The following CHD1 variants were observed in gnomAD, a reference collection of about 807,000 sequenced individuals.
CHD1 encodes ATP-dependent chromatin remodeler CHD1.
In CHD1, 36 loss-of-function variants were observed where a neutral mutation model predicts 224.2. The ratio of observed to expected loss-of-function variants is 0.16; its 90% CI spans 0.12 to 0.21. The LOEUF is 0.21. CHD1 is among the 10% of genes least tolerant of loss of function. The pLI is 1.00. For missense variants in CHD1, 1,378 were observed against 1,994.8 expected (o/e 0.69, Z 5.89); for synonymous variants, 668 against 658.3 (o/e 1.01, Z -0.23).
intron 19 of CHD1, among the ~76,000 whole-genome samples, chr5:98,882,865 G>A (rs763556838): frequency 2.6e-5 from 4 of 151,836 alleles, no homozygotes; most frequent in South Asian, 2.1e-4. Flanking sequence ...ACTAGAATAC[G>A]GGATCAAAAC....
chr5:98,915,050 C>T (rs149563195), intron 2 of CHD1, among the ~76,000 whole-genome samples: 9 of 152,164 alleles, frequency 5.9e-5, no homozygotes, highest in African/African-American at 1.4e-4. Context: ...CAATTAGTGG[C>T]CAAAGTCAAG....
intron 22 of CHD1, among the ~76,000 whole-genome samples, chr5:98,880,589 G>A (rs1486008254): frequency 6.6e-6 from 1 of 152,110 alleles, no homozygotes; most frequent in Non-Finnish European, 1.5e-5. Context: ...GTTGACTTAC[G>A]TTGTTTTAGG....
chr5:98,918,669 G>A (rs1446365595), intron 2 of CHD1, among the ~76,000 whole-genome samples: 3 of 149,088 alleles, frequency 2.0e-5, no homozygotes, highest in African/African-American at 7.4e-5. Context: ...TTGAGAGGCT[G>A]AGGCAGGAGA....
At chr5:98,874,802 G>A (rs1051190296) in intron 25 of CHD1, among the ~76,000 whole-genome samples, 1 of 151,806 alleles carries the variant, frequency 6.6e-6, no homozygotes, top group African/African-American at 2.4e-5. Flanking sequence ...TGAAAAATGA[G>A]ATAAAGATTG....
chr5:98,882,404 T>C (rs1277852845), intron 19 of CHD1, among the ~76,000 whole-genome samples: 1 of 131,688 alleles, frequency 7.6e-6, no homozygotes, highest in African/African-American at 3.2e-5. Context: ...ATGTTATGAT[T>C]TAGCTGGGGA....
chr5:98,867,787 TCTTC>T (rs904790755), intron 31 of CHD1, among the ~76,000 whole-genome samples: 18 of 146,638 alleles, frequency 1.2e-4, no homozygotes, highest in African/African-American at 3.9e-4. Flanking sequence ...CCTCCTTTTA[TCTTC>T]CTTGTTTTTT....
intron 32 of CHD1, chr5:98,860,272 T>A (rs1561476441): frequency 1.9e-6 from 1 of 538,320 alleles, no homozygotes; most frequent in East Asian, 4.1e-5. Context: ...AAACATTAAA[T>A]TTTACTTCTC....
chr5:98,888,997 A>C (rs929797552), intron 16 of CHD1, 79 bp downstream of exon 16: 7 of 954,044 alleles, frequency 7.3e-6, no homozygotes, highest in Non-Finnish European at 1.1e-5. Flanking sequence ...AAGTTAAAGC[A>C]TTGAGCCATT....
At chr5:98,924,883 T>C (rs1349702600) in intron 2 of CHD1, among the ~76,000 whole-genome samples, 1 of 150,914 alleles carries the variant, frequency 6.6e-6, no homozygotes, top group African/African-American at 2.4e-5. Flanking sequence ...GAGGCTGAGG[T>C]AGGAGAAACA....
chr5:98,864,666 G>A (rs1023738354), intron 31 of CHD1, among the ~76,000 whole-genome samples: 11 of 151,990 alleles, frequency 7.2e-5, no homozygotes, highest in Non-Finnish European at 1.3e-4. Flanking sequence ...CTGCAGCCTA[G>A]GCAAAAGTGA....
intron 10 of CHD1, 149 bp downstream of exon 10, chr5:98,898,107 A>G (rs955753383): frequency 3.3e-5 from 13 of 390,366 alleles, no homozygotes; most frequent in Admixed American, 2.2e-4. Context: ...CAGCAATTGC[A>G]GAAGTTCACT....
Position 98,857,470 on chromosome 5 carries a change from T to C in CHD1, c.4787+710A>G, listed in dbSNP as rs112460027. ...GATGTGTTCATAGTGCTGACAGAGG[T>C]TCTCAAAGAAATTATTGTAATGAAC... On this transcript the variant is annotated intron_variant, in intron 35 of 35. Transcript: ENST00000614616. Among the ~76,000 whole-genome samples, 14 of 152,168 alleles carry C rather than the reference T, an allele frequency of 9.2e-5. 1 individual carries two copies. Among genetic ancestry groups the C allele is most frequent in the African/African-American group, 3.4e-4 (14 of 41,542 alleles).
chr5:98,858,454 G>T, intron 34 of CHD1, 64 bp from the exon 35 acceptor site: 1 of 1,324,904 alleles, frequency 7.5e-7, no homozygotes, highest in Non-Finnish European at 1.1e-6. Context: ...AAACTTAGTT[G>T]ATAGATAACA....
At position 98,872,515 on chromosome 5, in the gene CHD1, T is replaced by C. The variant is rs767115458; in HGVS notation, c.3612A>G (p.Ile1204Met). The part of the protein sequence containing the change: ...LGKVKGPTFR[I>M]SGVQVNAKLV... ...GTTTGGCATTCACCTGTACTCCTGA[T>C]ATTCGGAATGTTGGACCCTTCACTT... The change falls in exon 27 of 36, where the codon ATA becomes ATG. Residue 1204 changes from isoleucine (I) to methionine (M), a missense_variant. Transcript: ENST00000614616. The C allele has an allele frequency of 6.2e-7, 1 of 1,613,920 alleles. No individual in the cohort carries two copies. Among genetic ancestry groups the C allele is most frequent in the Non-Finnish European group, 8.5e-7 (1 of 1,179,894 alleles).
chr5:98,898,596 A>C (rs1482935364), intron 9 of CHD1, 68 bp downstream of exon 9: 1 of 1,269,766 alleles, frequency 7.9e-7, no homozygotes, highest in African/African-American at 1.5e-5. Flanking sequence ...TAAGTGGCAA[A>C]CTTATGACTT....
chr5:98,911,770 T>C (rs1752439282), intron 2 of CHD1, among the ~76,000 whole-genome samples: 1 of 152,162 alleles, frequency 6.6e-6, no homozygotes, highest in Admixed American at 6.5e-5. Context: ...TTGAGAAATA[T>C]ATTCTATAAA....
At position 98,926,463 on chromosome 5, in the gene CHD1, C is replaced by A; in HGVS notation, c.-77G>T. 1 of 666,208 alleles carries A rather than the reference C, an allele frequency of 1.5e-6. No homozygotes were observed. The highest frequency in any genetic ancestry group is 3.1e-5 in the South Asian group (1 of 32,656). The allele number at this position is 666,208 out of a possible 1,614,324, so 41.3% of individuals were successfully genotyped here. A position where few individuals can be genotyped will look rare whatever the true frequency, so the allele number is the denominator to read the frequency against. ...AAAAGATGAATATAAATACTGACTC[C>A]TTGAATATAAAAATTCACAGATGAA... On this transcript the variant is annotated 5_prime_UTR_variant, in exon 2 of 36. It adds an upstream start codon to the 5' untranslated region. Transcript: ENST00000614616.
intron 31 of CHD1, among the ~76,000 whole-genome samples, chr5:98,868,079 T>C (rs866866024): frequency 5.3e-5 from 8 of 152,032 alleles, no homozygotes; most frequent in African/African-American, 1.9e-4. Flanking sequence ...GGTTTACAGG[T>C]GTGAGCCACC....
At position 98,889,176 on chromosome 5, in the gene CHD1, A is replaced by C; in HGVS notation, c.2243T>G (p.Phe748Cys). ...CTTTAGCTCCATCATAATGTTCAAA[A>C]AGCCTGAGGTACTGCCCTTGGAACC... ...SKGSKGSTSGFLNIMMELKKC... is the reference protein window; with the variant it reads ...SKGSKGSTSGCLNIMMELKKC... The change falls in exon 16 of 36, where the codon TTT (phenylalanine) becomes TGT (cysteine). Residue 748 changes from phenylalanine (F) to cysteine (C), a missense_variant. Transcript: ENST00000614616. 1.9e-6 allele frequency: 3 copies of C among 1,611,372 alleles called. No individual in the cohort carries two copies. The highest frequency in any genetic ancestry group is 1.7e-6 in the Non-Finnish European group (2 of 1,177,928).
Sources: allele counts gnomAD v4.1 joint callset (sites outside exome capture counted in the v4.1 genomes callset), GRCh38; gene constraint gnomAD v4.1.1; transcripts MANE v1.5; gene names NCBI Gene and HGNC (gene_info 2026-07-23, HGNC 2026-07-21).